KRT86: variants seen among roughly 807,000 people sequenced by gnomAD.
KRT86 encodes keratin, type II cuticular Hb6.
In KRT86, 30 loss-of-function variants were observed where a neutral mutation model predicts 41.2. That is an observed-to-expected ratio of 0.73 (90% confidence interval 0.54 to 0.99). The LOEUF (loss-of-function observed/expected upper bound fraction) is 0.99. Ranked by LOEUF, KRT86 falls within the 50% of genes least tolerant of loss-of-function variation. KRT86 has a pLI of 0.00. For synonymous variants in KRT86, 238 were observed against 238.1 expected (o/e 1.00, Z 0.00); for missense variants, 561 against 571.4 (o/e 0.98, Z 0.19).
intron 2 of KRT86, among the ~76,000 whole-genome samples, chr12:52,280,472 C>T (rs73307339): frequency 0.012 from 1,826 of 152,284 alleles, 33 homozygotes; most frequent in African/African-American, 0.041. Context: ...GGCTGAAGTG[C>T]GTCATTGGCC....
Position 52,305,987 on chromosome 12 carries a change from C to T in KRT86, c.1027-73C>T, listed in dbSNP as rs116816696. The T allele has an allele frequency of 2.5e-3, 3,967 of 1,593,408 alleles. 101 individuals carry two copies. The African/African-American group carries it at 0.047, about 19-fold the overall frequency. On this transcript the variant is annotated intron_variant, in intron 8 of 10. Transcript: ENST00000423955. The stretch of plus-strand genomic sequence containing the variant: ...GGGGTGCTCCCAGCTTGGTGGGGAG[C>T]ATGGTCTCATCGAGGTAAGCATCAG...
rs557621183 is a variant in KRT86, at chr12:52,305,712, G to T, written c.950G>T (p.Arg317Leu). 1.2e-6 allele frequency: 2 copies of T among 1,613,952 alleles called. No homozygotes were observed. Among genetic ancestry groups the T allele is most frequent in the East Asian group, 2.2e-5 (1 of 44,888 alleles). The change falls in exon 8 of 11, where the codon CGC becomes CTC. Residue 317 changes from arginine (R) to leucine (L), a missense_variant. By Grantham distance (102) the Arg-to-Leu change is moderately radical (BLOSUM62 -2). This residue lies in a region of KRT86 where 397 missense variants were observed against 375.9 expected (regional missense o/e 1.06). Transcript: ENST00000423955. ...TVIRHGETLR[R>L]TKEEINELNR... ...ATCAGGCACGGGGAGACCCTGCGCC[G>T]CACCAAGGAGGAGATCAACGAGCTG...
At chr12:52,293,264 A>G (rs1193235697) in intron 2 of KRT86, among the ~76,000 whole-genome samples, 1 of 152,220 alleles carries the variant, frequency 6.6e-6, no homozygotes, top group Non-Finnish European at 1.5e-5. Flanking sequence ...TCTAATTCTC[A>G]CATCAATCAT....
Position 52,308,662 on chromosome 12 carries a change from C to A in KRT86, c.*77C>A. 2.8e-6 allele frequency: 4 copies of A among 1,426,658 alleles called. No individual in the cohort carries two copies. Among genetic ancestry groups the A allele is most frequent in the Non-Finnish European group, 3.8e-6 (4 of 1,042,544 alleles). 88.4% of individuals were successfully genotyped at this position (1,426,658 alleles called of 1,614,324 possible). On this transcript the variant is annotated 3_prime_UTR_variant, in exon 11 of 11. Transcript: ENST00000423955. ...TACCTCGCGCCACCAGAACGCGCCG[C>A]CCGCGCCGGCCTCCCAATAGCCGCC...
Position 52,306,177 on chromosome 12 carries a change from A to G in KRT86, c.1144A>G (p.Met382Val), listed in dbSNP as rs1206358117. Residue 382 changes from methionine to valine, a missense_variant, in exon 9 of 11, where the codon ATG (methionine) becomes GTG (valine). This residue lies in a region of KRT86 where 397 missense variants were observed against 375.9 expected (regional missense o/e 1.06). Transcript: ENST00000423955. ...EGALQKAKQD[M>V]ACLIREYQEV... ...TGCCCTGCAGAAGGCCAAGCAGGAC[A>G]TGGCCTGCCTGATCAGGGAGTACCA... 1.2e-6 allele frequency: 2 copies of G among 1,613,848 alleles called. No individual in the cohort carries two copies. Among genetic ancestry groups the G allele is most frequent in the South Asian group, 1.1e-5 (1 of 91,078 alleles).
rs1938517066 is a variant in KRT86 at position 52,306,295 on chromosome 12, C to G, written c.1247+15C>G. 6.2e-7 allele frequency: 1 copy of G among 1,613,104 alleles called. No individual in the cohort carries two copies. The highest frequency in any genetic ancestry group is 8.5e-7 in the Non-Finnish European group (1 of 1,180,020). The stretch of plus-strand genomic sequence containing the variant: ...GAGGAGCAGAGGTGGGTCCCATAGA[C>G]CTTTCCCTTTCCCAGCCCTGCCAGG... On this transcript the variant is annotated intron_variant, in intron 9 of 10. Coordinates refer to ENST00000423955, the MANE Select transcript of KRT86 (RefSeq NM_001320198.2).
intron 2 of KRT86, chr12:52,291,634 G>T: frequency 2.9e-6 from 3 of 1,029,604 alleles, no homozygotes; most frequent in Non-Finnish European, 4.2e-6. Flanking sequence ...GGCTTGGGTG[G>T]TTAGCCGGGT....
Position 52,274,695 on chromosome 12 carries a change from T to C in KRT86, c.-158T>C. The C allele has an allele frequency of 4.1e-6, 4 of 985,398 alleles. No individual in the cohort carries two copies. Among genetic ancestry groups the C allele is most frequent in the Non-Finnish European group, 4.8e-6 (4 of 829,944 alleles). 61.0% of individuals were successfully genotyped at this position (985,398 alleles called of 1,614,324 possible). ...TGGGCTTTGGTGCTCAAGAGAGGCTTGGAGGAGACCACAGTTCTTTCTCCA... is the reference window on the plus strand; with the variant it reads ...TGGGCTTTGGTGCTCAAGAGAGGCTCGGAGGAGACCACAGTTCTTTCTCCA... On this transcript the variant is annotated 5_prime_UTR_variant, in exon 1 of 11. Coordinates refer to ENST00000423955, the MANE Select transcript of KRT86 (RefSeq NM_001320198.2).
At chr12:52,305,602 C>T in intron 7 of KRT86, 61 bp from the exon 8 acceptor site, 1 of 1,613,498 alleles carries the variant, frequency 6.2e-7, no homozygotes. Flanking sequence ...AATCATCTGT[C>T]ATGCCCTGAA....
rs1343352277 is a variant in KRT86, at chr12:52,305,295, A to G, written c.791A>G (p.Asp264Gly). The G allele has an allele frequency of 6.2e-7, 1 of 1,614,210 alleles. No homozygotes were observed. Among genetic ancestry groups the G allele is most frequent in the Non-Finnish European group, 8.5e-7 (1 of 1,180,042 alleles). The change falls in exon 7 of 11, where the codon GAC (aspartate) becomes GGC (glycine). Residue 264 changes from aspartate to glycine, a missense_variant. Around this residue, in one of 3 missense-constraint regions of KRT86, gnomAD observed 397 missense variants for 375.9 expected, o/e 1.06. Coordinates refer to ENST00000423955, the MANE Select transcript of KRT86 (RefSeq NM_001320198.2). The part of the protein sequence containing the change: ...ISDTSVVVKL[D>G]NSRDLNMDCI... ...GACACCTCCGTGGTTGTCAAGCTGG[A>G]CAACAGCCGGGACCTGAACATGGAC...
intron 2 of KRT86, chr12:52,286,268 C>A: frequency 6.4e-7 from 1 of 1,553,906 alleles, no homozygotes; most frequent in Non-Finnish European, 8.7e-7. Context: ...ACATTTCCGG[C>A]AGCTGCTGCC....
At chr12:52,275,323 A>C (rs913673640) in intron 1 of KRT86, among the ~76,000 whole-genome samples, 4 of 152,234 alleles carry the variant, frequency 2.6e-5, no homozygotes, top group African/African-American at 7.2e-5. Flanking sequence ...AGAAGCTGGA[A>C]TCTAGATCAC....
chr12:52,287,193 T>C, intron 2 of KRT86: 6 of 1,613,878 alleles, frequency 3.7e-6, no homozygotes, highest in Non-Finnish European at 5.1e-6. Context: ...TACTCCCTGA[T>C]CAGGCAGGCC....
chr12:52,301,830 A>G, intron 2 of KRT86, 83 bp from the exon 3 acceptor site: 1 of 1,613,038 alleles, frequency 6.2e-7, no homozygotes. Flanking sequence ...CAGAGGTGCA[A>G]GTAGTGAACG....
At chr12:52,295,386 C>A (rs1938224462) in intron 2 of KRT86, among the ~76,000 whole-genome samples, 1 of 152,174 alleles carries the variant, frequency 6.6e-6, no homozygotes, top group Admixed American at 6.5e-5. Flanking sequence ...AGAACTGGAA[C>A]CCAGAGCCTG....
intron 2 of KRT86, among the ~76,000 whole-genome samples, chr12:52,282,293 C>T (rs766056599): frequency 1.3e-4 from 20 of 149,786 alleles, no homozygotes; most frequent in Admixed American, 3.3e-4. Context: ...ACTGCAGTGG[C>T]GCAATCTTGG....
chr12:52,287,953 G>T (rs763595422), intron 2 of KRT86: 22 of 1,613,968 alleles, frequency 1.4e-5, no homozygotes, highest in Non-Finnish European at 1.8e-5. Flanking sequence ...CCACTGACAC[G>T]TCTAGCAGGC....
At chr12:52,295,054 G>C (rs575311425) in intron 2 of KRT86, among the ~76,000 whole-genome samples, 25 of 152,318 alleles carry the variant, frequency 1.6e-4, no homozygotes, top group Non-Finnish European at 3.2e-4. Flanking sequence ...AGATTGAACA[G>C]AGCTGCTATG....
chr12:52,287,127 G>T, intron 2 of KRT86: 2 of 1,613,220 alleles, frequency 1.2e-6, no homozygotes, highest in Non-Finnish European at 1.7e-6. Flanking sequence ...TCCAGCAGGC[G>T]CCTGTAGGTG....
Sources: allele counts gnomAD v4.1 joint callset (sites outside exome capture counted in the v4.1 genomes callset), GRCh38; gene constraint gnomAD v4.1.1; regional missense constraint gnomAD v4.1.1; transcripts MANE v1.5; gene names NCBI Gene and HGNC (gene_info 2026-07-23, HGNC 2026-07-21).